The following DOCK8 variants were observed in gnomAD, a reference collection of about 807,000 sequenced individuals.
DOCK8 encodes the protein dedicator of cytokinesis protein 8.
DOCK8 carries 141 observed loss-of-function variants against 245.6 expected under a neutral mutation model. The ratio of observed to expected loss-of-function variants is 0.57; its 90% CI spans 0.50 to 0.66. The LOEUF is 0.66. Ranked by LOEUF, DOCK8 falls within the 30% of genes least tolerant of loss-of-function variation. The pLI is 0.00. For synonymous variants in DOCK8, 1,168 were observed against 970.2 expected, an observed-to-expected ratio of 1.20 and a Z score of -3.79; for missense variants, 2,965 against 2,603.4, an observed-to-expected ratio of 1.14 and a Z score of -3.02.
chr9:278,786 T>G (rs370228878), intron 2 of DOCK8, among the ~76,000 whole-genome samples: 1 of 151,946 alleles, frequency 6.6e-6, no homozygotes, highest in East Asian at 1.9e-4. Context: ...CTGAACAGAG[T>G]GGGCAGTAGG....
chr9:400,252 ATCACCACCACCT>A (rs2054803774), intron 26 of DOCK8, among the ~76,000 whole-genome samples: 1 of 97,422 alleles, frequency 1.0e-5, no homozygotes, highest in Non-Finnish European at 2.1e-5. Context: ...CACCTCCACC[ATCACCACCACCT>A]CCACCATCAC....
chr9:214,901 C>T lies in DOCK8; in HGVS notation c.-76C>T. 2.5e-6 allele frequency: 4 copies of T among 1,602,984 alleles called. No homozygotes were observed. In the South Asian group the frequency reaches 4.5e-5, roughly 18 times the overall value. On this transcript the variant is annotated 5_prime_UTR_variant, in exon 1 of 48. Coordinates refer to ENST00000432829, the MANE Select transcript of DOCK8 (RefSeq NM_203447.4). ...TTTGCGCTTGGCTGGGCATGTTCCG[C>T]GGCTACTCTGCGGCGCGCCAGGCCC...
chr9:299,594 T>C (rs2049433610), intron 4 of DOCK8, among the ~76,000 whole-genome samples: 1 of 151,804 alleles, frequency 6.6e-6, no homozygotes. Context: ...TTTTTGGATG[T>C]TTAGTCTTAT....
At chr9:331,730 A>G (rs938463017) in intron 9 of DOCK8, among the ~76,000 whole-genome samples, 7 of 152,250 alleles carry the variant, frequency 4.6e-5, no homozygotes, top group African/African-American at 1.7e-4. Flanking sequence ...GACAGAAGAC[A>G]CTTCATTCAT....
chr9:214,728 C>T, upstream of DOCK8: 8 of 1,524,488 alleles, frequency 5.2e-6, no homozygotes, highest in Non-Finnish European at 7.0e-6. Context: ...CCGCGCTGGG[C>T]CCACGCCCTC....
intron 2 of DOCK8, among the ~76,000 whole-genome samples, chr9:286,190 C>T (rs1278232163): frequency 2.0e-5 from 3 of 152,118 alleles, no homozygotes; most frequent in African/African-American, 2.4e-5. Context: ...CCTCAGGATT[C>T]CTCATCAAGT....
At chr9:255,561 G>A (rs1011399282) in intron 1 of DOCK8, among the ~76,000 whole-genome samples, 10 of 150,160 alleles carry the variant, frequency 6.7e-5, no homozygotes, top group East Asian at 2.0e-4. Context: ...CCAGCTACTC[G>A]AGAGGCTAAG....
At chr9:415,733 T>A (rs1395576046) in intron 29 of DOCK8, among the ~76,000 whole-genome samples, 7 of 138,996 alleles carry the variant, frequency 5.0e-5, no homozygotes, top group African/African-American at 1.9e-4. Flanking sequence ...TCAGAGTAGT[T>A]CTTGCTTTTC....
chr9:395,672 A>G (rs1390496504), intron 24 of DOCK8, among the ~76,000 whole-genome samples: 1 of 152,108 alleles, frequency 6.6e-6, no homozygotes, highest in Non-Finnish European at 1.5e-5. Context: ...CTAATAGTGT[A>G]AGCAACTTCC....
Position 304,639 on chromosome 9 carries a change from C to T in DOCK8, c.463C>T (p.His155Tyr). ...AAAGACTGGATCTCGAAAAGATTTT[C>T]ACAAGACGCTTCCGAAACAGACGTT... The part of the protein sequence containing the change: ...FKKTGSRKDF[H>Y]KTLPKQTFES... The change falls in exon 5 of 48, where the codon CAC becomes TAC. Residue 155 changes from histidine to tyrosine, a missense_variant. Around this residue, in one of 3 missense-constraint regions of DOCK8, gnomAD observed 2,825 missense variants for 2,453.5 expected, o/e 1.15. Coordinates refer to ENST00000432829, the MANE Select transcript of DOCK8 (RefSeq NM_203447.4). 1 of 1,614,196 alleles carries T rather than the reference C, an allele frequency of 6.2e-7. No homozygotes were observed. Among genetic ancestry groups the T allele is most frequent in the Non-Finnish European group, 8.5e-7 (1 of 1,180,034 alleles).
chr9:271,255 A>C (rs1348342401), intron 1 of DOCK8, among the ~76,000 whole-genome samples: 2 of 152,246 alleles, frequency 1.3e-5, no homozygotes, highest in Non-Finnish European at 2.9e-5. Flanking sequence ...ATGGCAGCTC[A>C]GGATTTAAAG....
At chr9:333,710 TTA>T (rs201708575) in intron 10 of DOCK8, among the ~76,000 whole-genome samples, 10 of 113,302 alleles carry the variant, frequency 8.8e-5, no homozygotes, top group African/African-American at 3.2e-4. Flanking sequence ...CATTTTTTTT[TTA>T]AAATCTGTCT....
intron 9 of DOCK8, among the ~76,000 whole-genome samples, chr9:331,258 G>A (rs2050997678): frequency 6.6e-6 from 1 of 152,176 alleles, no homozygotes; most frequent in Non-Finnish European, 1.5e-5. Flanking sequence ...TCAGTTTCTA[G>A]CTCAAGTGTT....
At chr9:259,005 GAAA>G (rs112655646) in intron 1 of DOCK8, among the ~76,000 whole-genome samples, 1 of 148,082 alleles carries the variant, frequency 6.8e-6, no homozygotes, top group Admixed American at 6.7e-5. Flanking sequence ...TTTAGAAAAA[GAAA>G]AAAAAAAACA....
intron 42 of DOCK8, 109 bp downstream of exon 42, chr9:442,118 C>G: frequency 6.7e-7 from 1 of 1,485,728 alleles, no homozygotes; most frequent in South Asian, 1.2e-5. Flanking sequence ...CATCATTGAT[C>G]TCTACATAAA....
Position 304,677 on chromosome 9 carries a change from C to G in DOCK8, c.501C>G (p.Thr167=), listed in dbSNP as rs775370571. 1.2e-6 allele frequency: 2 copies of G among 1,614,144 alleles called. No individual in the cohort carries two copies. Among genetic ancestry groups the G allele is most frequent in the East Asian group, 2.2e-5 (1 of 44,876 alleles). The change falls in exon 5 of 48, where the codon ACC becomes ACG. Residue 167 remains threonine, a synonymous_variant. Transcript: ENST00000432829. ...TLPKQTFESE[T]LECSEPAAQA... is the part of the protein sequence containing the mutation. Reference sequence around the variant, plus strand: ...CGAAACAGACGTTTGAGTCGGAAACCTTGGAGTGCAGTGAACCCGCTGCTC... The same window carrying G: ...CGAAACAGACGTTTGAGTCGGAAACGTTGGAGTGCAGTGAACCCGCTGCTC...
At chr9:232,418 G>A (rs1050393149) in intron 1 of DOCK8, among the ~76,000 whole-genome samples, 1 of 152,322 alleles carries the variant, frequency 6.6e-6, no homozygotes, top group East Asian at 1.9e-4. Context: ...CATCAAATGA[G>A]TTAGGGAGTA....
In DOCK8 at chr9:306,932, T is replaced by A. The variant is rs938333440; in HGVS notation, c.528+2228T>A. On this transcript the variant is annotated intron_variant, in intron 5 of 47. Coordinates refer to ENST00000432829, the MANE Select transcript of DOCK8 (RefSeq NM_203447.4). ...TCTCAAGATCTCAGAGGGAAAAACC[T>A]CATGAAGCCTGGACTCACGCCTCAC... 2.6e-5 allele frequency among the ~76,000 whole-genome samples: 4 copies of A among 152,192 alleles called. No homozygotes were observed. The East Asian group carries it at 7.7e-4, about 29-fold the overall frequency.
intron 14 of DOCK8, among the ~76,000 whole-genome samples, chr9:341,698 C>T (rs1441348723): frequency 6.6e-6 from 1 of 152,216 alleles, no homozygotes; most frequent in Non-Finnish European, 1.5e-5. Flanking sequence ...TGACTTCACA[C>T]TCTAGGTCAG....
Sources: allele counts gnomAD v4.1 joint callset (sites outside exome capture counted in the v4.1 genomes callset), GRCh38; gene constraint gnomAD v4.1.1; regional missense constraint gnomAD v4.1.1; transcripts MANE v1.5; gene names NCBI Gene and HGNC (gene_info 2026-07-23, HGNC 2026-07-21).